The following NEBL variants were observed in gnomAD, a reference collection of about 807,000 sequenced individuals.
NEBL encodes nebulette.
Under a neutral mutation model 140.2 loss-of-function variants are expected in NEBL, and 122 were observed. The ratio of observed to expected loss-of-function variants is 0.87; its 90% CI spans 0.75 to 1.01. The LOEUF is 1.01. Ranked by LOEUF, NEBL falls within the 50% of genes least tolerant of loss-of-function variation. The probability of loss-of-function intolerance (pLI) is 0.00; values close to 1 mark genes in which losing one functional copy is unlikely to be tolerated. For missense variants in NEBL, 1,365 were observed against 1,231.3 expected (o/e 1.11, Z -1.62); for synonymous variants, 436 against 398.9 (o/e 1.09, Z -1.11).
chr10:21,186,433 G>A (rs755054951), intron 3 of NEBL, among the ~76,000 whole-genome samples: 23 of 151,984 alleles, frequency 1.5e-4, no homozygotes, highest in Non-Finnish European at 2.6e-4. Flanking sequence ...TGGTATCCAC[G>A]AAGGATTTGT....
At chr10:21,168,085 T>C (rs950724698) in intron 2 of NEBL, among the ~76,000 whole-genome samples, 3 of 152,194 alleles carry the variant, frequency 2.0e-5, no homozygotes, top group African/African-American at 4.8e-5. Flanking sequence ...TTAAATATCA[T>C]GTAAATTATA....
chr10:20,962,554 G>C (rs1836103447), intron 3 of NEBL, among the ~76,000 whole-genome samples: 1 of 152,106 alleles, frequency 6.6e-6, no homozygotes, highest in Non-Finnish European at 1.5e-5. Context: ...TGTTTCCTCG[G>C]AGGACTGGAA....
intron 9 of NEBL, among the ~76,000 whole-genome samples, chr10:20,857,968 G>A (rs1588838385): frequency 6.6e-6 from 1 of 152,052 alleles, no homozygotes; most frequent in African/African-American, 2.4e-5. Flanking sequence ...ATGAAGTAAG[G>A]GAAAGAAGAA....
In NEBL at chr10:20,780,271, C is replaced by T. The variant is rs1015792869; in HGVS notation, c.*5476G>A. 1 of 152,162 alleles carries T rather than the reference C, an allele frequency of 6.6e-6. No individual in the cohort carries two copies. Among genetic ancestry groups the T allele is most frequent in the Non-Finnish European group, 1.5e-5 (1 of 68,026 alleles). 9.4% of individuals were successfully genotyped at this position (152,162 alleles called of 1,614,324 possible). On this transcript the variant is annotated 3_prime_UTR_variant, in exon 28 of 28. Transcript: ENST00000377122. ...TGCACTTTCTATTCTATGCTCCAAA[C>T]CATTTCTTTCATCTTATGAATAGAA...
intron 26 of NEBL, among the ~76,000 whole-genome samples, chr10:20,805,150 G>A (rs913105695): frequency 2.0e-5 from 3 of 152,194 alleles, no homozygotes; most frequent in Middle Eastern, 3.2e-3. Context: ...ACTCCAAAGG[G>A]TTTAAGTAGC....
chr10:20,981,682 A>G (rs1429183846), intron 3 of NEBL, among the ~76,000 whole-genome samples: 1 of 152,172 alleles, frequency 6.6e-6, no homozygotes, highest in Non-Finnish European at 1.5e-5. Flanking sequence ...AGGGCCAGAG[A>G]GACCCACTGA....
chr10:20,827,861 G>T (rs1361755113), intron 17 of NEBL, among the ~76,000 whole-genome samples: 4 of 152,102 alleles, frequency 2.6e-5, no homozygotes, highest in Non-Finnish European at 4.4e-5. Context: ...TTATAAGTGG[G>T]AGCTAAATGA....
At chr10:21,096,488 A>AGTGTGTGTGTGTGTGT (rs10541564) in intron 2 of NEBL, among the ~76,000 whole-genome samples, 7 of 141,578 alleles carry the variant, frequency 4.9e-5, no homozygotes, top group African/African-American at 1.8e-4. Flanking sequence ...CTTGGTTTTG[A>AGTGTGTGTGTGTGTGT]GTGTGTGTGT....
chr10:21,110,111 G>C (rs1837923743), intron 2 of NEBL, among the ~76,000 whole-genome samples: 1 of 152,024 alleles, frequency 6.6e-6, no homozygotes, highest in African/African-American at 2.4e-5. Flanking sequence ...GTCTATTTTA[G>C]ATCTTTCCTG....
chr10:20,855,398 A>G (rs1326514151), intron 9 of NEBL, among the ~76,000 whole-genome samples: 1 of 151,908 alleles, frequency 6.6e-6, no homozygotes, highest in Non-Finnish European at 1.5e-5. Flanking sequence ...TCCACAACAA[A>G]TACATATAAA....
intron 7 of NEBL, among the ~76,000 whole-genome samples, chr10:20,866,061 G>A (rs1428405103): frequency 2.0e-5 from 3 of 152,158 alleles, no homozygotes; most frequent in Non-Finnish European, 4.4e-5. Flanking sequence ...AATCTTCAGT[G>A]ATGTCTTCTT....
At position 20,938,338 on chromosome 10, in the gene NEBL, T is replaced by A. The variant is rs112196078; in HGVS notation, c.357+23334A>T. On this transcript the variant is annotated intron_variant, in intron 4 of 6. Coordinates refer to the NEBL transcript ENST00000417816. Reference sequence around the variant, plus strand: ...ATACCCAGGGAAACACGGTCTGGAGTGGACCTCCAGTAAACTCCAACAGAC... The same window carrying A: ...ATACCCAGGGAAACACGGTCTGGAGAGGACCTCCAGTAAACTCCAACAGAC... Among the ~76,000 whole-genome samples the A allele has an allele frequency of 4.3e-3, 654 of 152,158 alleles. 4 individuals are homozygous for A. The highest frequency in any genetic ancestry group is 0.015 in the African/African-American group (620 of 41,518).
chr10:20,876,608 C>T (rs1427273464), intron 5 of NEBL, among the ~76,000 whole-genome samples: 1 of 152,034 alleles, frequency 6.6e-6, no homozygotes, highest in African/African-American at 2.4e-5. Flanking sequence ...CTTTCATTTC[C>T]CACGCTGAAT....
chr10:20,789,853 T>TTATATATATATA (rs537896711), intron 26 of NEBL, among the ~76,000 whole-genome samples: 4 of 149,404 alleles, frequency 2.7e-5, no homozygotes, highest in African/African-American at 9.9e-5. Flanking sequence ...ATCTCAAATT[T>TTATATATATATA]TATATATATA....
chr10:21,020,570 GCCTGC>G (rs1406229972), intron 2 of NEBL, among the ~76,000 whole-genome samples: 7 of 152,060 alleles, frequency 4.6e-5, no homozygotes, highest in Non-Finnish European at 7.4e-5. Context: ...ACCTCACAGT[GCCTGC>G]CCATCTCCTC....
intron 3 of NEBL, among the ~76,000 whole-genome samples, chr10:21,221,813 C>G (rs2132245686): frequency 6.6e-6 from 1 of 152,198 alleles, no homozygotes; most frequent in Non-Finnish European, 1.5e-5. Context: ...AAAATAAAAA[C>G]TTTTTAGCAA....
intron 3 of NEBL, among the ~76,000 whole-genome samples, chr10:21,006,868 A>G (rs2131729646): frequency 6.6e-6 from 1 of 152,342 alleles, no homozygotes; most frequent in South Asian, 2.1e-4. Flanking sequence ...TTCGATCCAC[A>G]TTATTTTAAG....
intron 9 of NEBL, among the ~76,000 whole-genome samples, chr10:20,855,566 C>A: frequency 6.6e-6 from 1 of 151,150 alleles, no homozygotes; most frequent in African/African-American, 2.4e-5. Flanking sequence ...TTAAGATCTG[C>A]AAAAGAACTT....
At chr10:21,289,401 G>A (rs1338108137) in intron 1 of NEBL, among the ~76,000 whole-genome samples, 1 of 152,128 alleles carries the variant, frequency 6.6e-6, no homozygotes, top group Non-Finnish European at 1.5e-5. Context: ...ACCCAAACCA[G>A]CAGCAATAGG....
Sources: gnomAD v4.1 joint callset for allele counts (sites outside exome capture counted in the v4.1 genomes callset) on GRCh38, gnomAD v4.1.1 for gene constraint, MANE v1.5 for transcripts, NCBI Gene and HGNC (gene_info 2026-07-23, HGNC 2026-07-21) for gene names.